The following SINHCAF variants were observed in gnomAD, a reference collection of about 807,000 sequenced individuals.
The protein encoded by SINHCAF is SIN3-HDAC complex-associated factor.
A neutral mutation model predicts 25.8 loss-of-function variants in SINHCAF; 3 were observed. The observed-to-expected ratio is 0.12, with a 90% confidence interval of 0.05 to 0.30. The LOEUF (loss-of-function observed/expected upper bound fraction) is 0.30, where lower values mean the gene tolerates loss of function less well. SINHCAF is among the 10% of genes least tolerant of loss of function. The pLI is 1.00. For synonymous variants in SINHCAF, 70 were observed against 85.5 expected (o/e 0.82, Z 1.00); for missense variants, 121 against 262.3 (o/e 0.46, Z 3.72).
intron 1 of SINHCAF, chr12:31,311,668 A>G (rs572687642): frequency 2.2e-6 from 1 of 445,428 alleles, no homozygotes; most frequent in South Asian, 1.9e-5. Context: ...AACTGAGCTT[A>G]TAACAATATT....
At chr12:31,295,811 G>C (rs1173568124) in intron 2 of SINHCAF, among the ~76,000 whole-genome samples, 2 of 151,918 alleles carry the variant, frequency 1.3e-5, no homozygotes, top group Non-Finnish European at 2.9e-5. Context: ...AGCAGAGGTT[G>C]CAGTGAGCCA....
rs192806719 is a variant in SINHCAF at position 31,284,941 on chromosome 12, A to C, written c.507-2070T>G. Reference sequence around the variant, plus strand: ...CCTATTTTGGGCCCTTTGCTTTTCTATATAAATTATAAATTAGCTTGTAAA... The same window carrying C: ...CCTATTTTGGGCCCTTTGCTTTTCTCTATAAATTATAAATTAGCTTGTAAA... On this transcript the variant is annotated intron_variant, in intron 5 of 5. Transcript: ENST00000337682. 2.0e-3 allele frequency among the ~76,000 whole-genome samples: 307 copies of C among 152,196 alleles called. 1 individual carries two copies. Among genetic ancestry groups the C allele is most frequent in the African/African-American group, 7.0e-3 (292 of 41,518 alleles).
chr12:31,310,562 T>C (rs1023633037), intron 1 of SINHCAF, among the ~76,000 whole-genome samples: 1 of 152,212 alleles, frequency 6.6e-6, no homozygotes, highest in Non-Finnish European at 1.5e-5. Flanking sequence ...AGGTTAAGTG[T>C]TACCATTGTT....
rs1409748915 is a variant in SINHCAF at position 31,324,009 on chromosome 12, A to G, written c.-21+2015T>C. On this transcript the variant is annotated intron_variant, in intron 1 of 5. Coordinates refer to ENST00000337682, the MANE Select transcript of SINHCAF (RefSeq NM_001135812.2). The surrounding 1 kb of genome is among the most constrained non-coding windows in gnomAD (Gnocchi z 5.5). ...TGCCGAGAGAGACGCCGAGCCAGCA[A>G]GTAAGAATGCTCCCTGGTGGATTTG... 2 of 442,132 alleles carry G rather than the reference A, an allele frequency of 4.5e-6. No homozygotes were observed. Among genetic ancestry groups the G allele is most frequent in the East Asian group, 1.0e-4 (1 of 9,552 alleles). 27.4% of individuals were successfully genotyped at this position (442,132 alleles called of 1,614,324 possible).
At chr12:31,307,509 C>T (rs532214318) in intron 1 of SINHCAF, among the ~76,000 whole-genome samples, 2 of 152,206 alleles carry the variant, frequency 1.3e-5, no homozygotes, top group African/African-American at 4.8e-5. Flanking sequence ...GAGCTGTGAA[C>T]ACACCACTGC....
intron 3 of SINHCAF, among the ~76,000 whole-genome samples, chr12:31,294,947 AT>A (rs1486814198): frequency 6.6e-6 from 1 of 152,186 alleles, no homozygotes; most frequent in Non-Finnish European, 1.5e-5. Flanking sequence ...TTCATGTCTA[AT>A]TAACTCTGGG....
Position 31,324,827 on chromosome 12 carries a change from G to T in SINHCAF, c.-21+1197C>A. On this transcript the variant is annotated intron_variant, in intron 1 of 5. Transcript: ENST00000337682. The surrounding 1 kb of genome is among the most constrained non-coding windows in gnomAD (Gnocchi z 5.5). ...TCGGGAGCAGGCCCATTTAATCAAAGTTTTGCAGTGTCCTTGATGAGAAAC... is the reference window on the plus strand; with the variant it reads ...TCGGGAGCAGGCCCATTTAATCAAATTTTTGCAGTGTCCTTGATGAGAAAC... The T allele has an allele frequency of 2.6e-6, 1 of 382,252 alleles. No homozygotes were observed. 23.7% of individuals were successfully genotyped at this position (382,252 alleles called of 1,614,324 possible).
intron 1 of SINHCAF, chr12:31,303,002 AATCATCT>A: frequency 1.0e-6 from 1 of 985,312 alleles, no homozygotes. Flanking sequence ...CACTATCATC[AATCATCT>A]ATCTGTCTAT....
At chr12:31,294,628 A>G (rs1357671407) in intron 3 of SINHCAF, among the ~76,000 whole-genome samples, 1 of 152,174 alleles carries the variant, frequency 6.6e-6, no homozygotes, top group Non-Finnish European at 1.5e-5. Context: ...CCCATGTAAA[A>G]AGGAAGGTTG....
intron 1 of SINHCAF, among the ~76,000 whole-genome samples, chr12:31,313,670 C>T (rs908965584): frequency 5.3e-5 from 8 of 151,454 alleles, no homozygotes; most frequent in Non-Finnish European, 1.0e-4. Flanking sequence ...TTTTCTGAGA[C>T]GGAGTTTCGC....
In SINHCAF at chr12:31,325,967, T is replaced by G. The variant is rs1247685466; in HGVS notation, c.-21+57A>C. Reference sequence around the variant, plus strand: ...GGTGAAAAGAGAAAAAAAAAAACACTGAAATCAAAGCCTCGTGAGACAGTT... The same window carrying G: ...GGTGAAAAGAGAAAAAAAAAAACACGGAAATCAAAGCCTCGTGAGACAGTT... On this transcript the variant is annotated intron_variant, in intron 1 of 5. Coordinates refer to ENST00000337682, the MANE Select transcript of SINHCAF (RefSeq NM_001135812.2). The surrounding 1 kb of genome is among the most constrained non-coding windows in gnomAD (Gnocchi z 5.9). 2 of 149,774 alleles carry G rather than the reference T, an allele frequency of 1.3e-5. No homozygotes were observed. The highest frequency in any genetic ancestry group is 3.0e-5 in the Non-Finnish European group (2 of 67,630). 9.3% of individuals were successfully genotyped at this position (149,774 alleles called of 1,614,324 possible).
rs141771567 is a variant in SINHCAF, at chr12:31,286,390, G to A, written c.506+1244C>T. On this transcript the variant is annotated intron_variant, in intron 5 of 5. Transcript: ENST00000337682. Reference sequence around the variant, plus strand: ...GAAACTATCAATGTGGGCTGGGCACGGTGGCTCACGCCTATAATCCCAACA... The same window carrying A: ...GAAACTATCAATGTGGGCTGGGCACAGTGGCTCACGCCTATAATCCCAACA... 1.3e-3 allele frequency among the ~76,000 whole-genome samples: 201 copies of A among 152,102 alleles called. 1 individual carries two copies. Among genetic ancestry groups the A allele is most frequent in the African/African-American group, 4.2e-3 (174 of 41,498 alleles).
chr12:31,282,367 A>C lies in SINHCAF; in HGVS notation c.*345T>G, dbSNP rs1937838782. On this transcript the variant is annotated 3_prime_UTR_variant, in exon 6 of 6. Coordinates refer to ENST00000337682, the MANE Select transcript of SINHCAF (RefSeq NM_001135812.2). ...TCAACCCATTCAAAACTACTCTAGA[A>C]ATTGTCTTTTGGCAGAATAGCAGGT... 5.9e-6 allele frequency: 1 copy of C among 170,114 alleles called. No homozygotes were observed. The highest frequency in any genetic ancestry group is 1.3e-5 in the Non-Finnish European group (1 of 79,710). The allele number at this position is 170,114 out of a possible 1,614,324, so 10.5% of individuals were successfully genotyped here.
intron 4 of SINHCAF, among the ~76,000 whole-genome samples, chr12:31,288,963 A>T (rs1254587518): frequency 6.6e-6 from 1 of 152,232 alleles, no homozygotes; most frequent in Non-Finnish European, 1.5e-5. Flanking sequence ...AGTAAAAATA[A>T]GATAGAAAAC....
rs1427945675 is a variant in SINHCAF at position 31,326,137 on chromosome 12, T to C, written c.-134A>G. On this transcript the variant is annotated 5_prime_UTR_variant, in exon 1 of 6. Coordinates refer to ENST00000337682, the MANE Select transcript of SINHCAF (RefSeq NM_001135812.2). ...TCAACTGCCTTGTCTAGAAAGATAGTCTCCTGCAGTTCTGCAGTTGCTACC... is the reference window on the plus strand; with the variant it reads ...TCAACTGCCTTGTCTAGAAAGATAGCCTCCTGCAGTTCTGCAGTTGCTACC... The C allele has an allele frequency of 1.3e-5, 2 of 152,192 alleles. No individual in the cohort carries two copies. Among genetic ancestry groups the C allele is most frequent in the Non-Finnish European group, 2.9e-5 (2 of 68,058 alleles). The allele number at this position is 152,192 out of a possible 1,614,324, so 9.4% of individuals were successfully genotyped here. A position where few individuals can be genotyped will look rare whatever the true frequency, so the allele number is the denominator to read the frequency against.
intron 1 of SINHCAF, among the ~76,000 whole-genome samples, chr12:31,309,711 G>C (rs542087251): frequency 6.7e-6 from 1 of 148,578 alleles, no homozygotes; most frequent in South Asian, 2.1e-4. Flanking sequence ...TGTCGCCCAG[G>C]CTGGAGTGCA....
chr12:31,291,218 T>C (rs1938298066), intron 4 of SINHCAF, among the ~76,000 whole-genome samples: 1 of 152,228 alleles, frequency 6.6e-6, no homozygotes, highest in African/African-American at 2.4e-5. Context: ...CCATATTTTA[T>C]AGTAAGCAGA....
Position 31,298,070 on chromosome 12 carries a change from A to G in SINHCAF, c.128+7T>C. ...CTAAGAATAGTACAAACATCAGGTGATCTTACCCAAAACAGCTCTGGAAGT... is the reference window on the plus strand; with the variant it reads ...CTAAGAATAGTACAAACATCAGGTGGTCTTACCCAAAACAGCTCTGGAAGT... On this transcript the variant is annotated splice_region_variant and intron_variant, in intron 2 of 5. Coordinates refer to ENST00000337682, the MANE Select transcript of SINHCAF (RefSeq NM_001135812.2). 1 of 1,613,458 alleles carries G rather than the reference A, an allele frequency of 6.2e-7. No individual in the cohort carries two copies. Among genetic ancestry groups the G allele is most frequent in the Non-Finnish European group, 8.5e-7 (1 of 1,179,770 alleles).
At chr12:31,285,418 T>TATACACACACACACACACACACAC (rs1555110957) in intron 5 of SINHCAF, among the ~76,000 whole-genome samples, 2 of 141,444 alleles carry the variant, frequency 1.4e-5, no homozygotes, top group South Asian at 2.3e-4. Context: ...TATATATACA[T>TATACACACACACACACACACACAC]ACACACACAC....
Sources: allele counts gnomAD v4.1 joint callset (sites outside exome capture counted in the v4.1 genomes callset), GRCh38; gene constraint gnomAD v4.1.1; non-coding constraint Gnocchi (gnomAD v3.1); transcripts MANE v1.5; gene names NCBI Gene and HGNC (gene_info 2026-07-23, HGNC 2026-07-21).